Variants in UBAP2 observed in about 807,000 individuals in gnomAD.
UBAP2 encodes the protein ubiquitin-associated protein 2.
A neutral mutation model predicts 139.6 loss-of-function variants in UBAP2; 75 were observed. The ratio of observed to expected loss-of-function variants is 0.54; its 90% CI spans 0.45 to 0.65. The LOEUF is 0.65. Ranked by LOEUF, UBAP2 falls within the 30% of genes least tolerant of loss-of-function variation. The pLI is 0.00. For missense variants in UBAP2, 1,368 were observed against 1,369.6 expected, an observed-to-expected ratio of 1.00 and a Z score of 0.02; for synonymous variants, 526 against 526.2, an observed-to-expected ratio of 1.00 and a Z score of 0.01.
chr9:33,973,151 A>G, intron 7 of UBAP2, 32 bp downstream of exon 7: 1 of 1,606,658 alleles, frequency 6.2e-7, no homozygotes, highest in Non-Finnish European at 8.5e-7. Flanking sequence ...AGGGAAGTAA[A>G]TAATTATAAA....
intron 2 of UBAP2, among the ~76,000 whole-genome samples, chr9:34,007,225 G>C (rs1175675698): frequency 2.0e-5 from 3 of 152,078 alleles, no homozygotes; most frequent in African/African-American, 7.2e-5. Context: ...CAGGTGCAGT[G>C]ACTCACGCCT....
intron 6 of UBAP2, among the ~76,000 whole-genome samples, chr9:33,975,138 A>G (rs1388708840): frequency 1.3e-5 from 2 of 151,982 alleles, no homozygotes; most frequent in African/African-American, 4.8e-5. Flanking sequence ...ACAGAAAATA[A>G]CAAGTGTTGG....
chr9:34,006,285 T>C (rs1178575804), intron 2 of UBAP2, among the ~76,000 whole-genome samples: 1 of 146,914 alleles, frequency 6.8e-6, no homozygotes, highest in Non-Finnish European at 1.5e-5. Flanking sequence ...AGAACAAACA[T>C]CCACTGGACA....
At chr9:34,027,222 TG>T (rs1825474458) in intron 1 of UBAP2, among the ~76,000 whole-genome samples, 1 of 152,098 alleles carries the variant, frequency 6.6e-6, no homozygotes, top group Admixed American at 6.6e-5. Context: ...GGCTCACACC[TG>T]TAATCCCGGC....
At chr9:34,038,676 C>T (rs997581202) in intron 1 of UBAP2, among the ~76,000 whole-genome samples, 1 of 152,156 alleles carries the variant, frequency 6.6e-6, no homozygotes, top group African/African-American at 2.4e-5. Flanking sequence ...CCCAAAGTGC[C>T]GAGATTGTAG....
At chr9:34,041,556 G>A (rs1172362951) in intron 1 of UBAP2, among the ~76,000 whole-genome samples, 1 of 151,390 alleles carries the variant, frequency 6.6e-6, no homozygotes, top group Admixed American at 6.6e-5. Flanking sequence ...AATTAGCTGA[G>A]CATGGTGGCA....
At chr9:33,933,396 A>G in intron 18 of UBAP2, 94 bp downstream of exon 18, 1 of 1,398,404 alleles carries the variant, frequency 7.2e-7, no homozygotes, top group South Asian at 1.3e-5. Context: ...GTCAGAGACA[A>G]CAAGTGTGCT....
intron 2 of UBAP2, among the ~76,000 whole-genome samples, chr9:34,002,049 C>T (rs1822753362): frequency 6.6e-6 from 1 of 151,984 alleles, no homozygotes; most frequent in Non-Finnish European, 1.5e-5. Flanking sequence ...CTCGACCTCC[C>T]AGGCTCAAGC....
chr9:34,038,274 C>T (rs1025249332), intron 1 of UBAP2, among the ~76,000 whole-genome samples: 13 of 152,022 alleles, frequency 8.6e-5, no homozygotes, highest in African/African-American at 3.1e-4. Flanking sequence ...CACAGTGAAA[C>T]TCTGTCTCTA....
intron 9 of UBAP2, among the ~76,000 whole-genome samples, chr9:33,962,413 C>T (rs1387948182): frequency 1.3e-5 from 2 of 151,322 alleles, no homozygotes; most frequent in Admixed American, 6.6e-5. Flanking sequence ...TTTGGGAGGC[C>T]GAGGTGGGTG....
At chr9:34,048,185 CAGAG>C (rs1334762673) in intron 1 of UBAP2, among the ~76,000 whole-genome samples, 1 of 152,320 alleles carries the variant, frequency 6.6e-6, no homozygotes, top group South Asian at 2.1e-4. Context: ...GTATTATTAA[CAGAG>C]AGAGCTTTGC....
intron 22 of UBAP2, among the ~76,000 whole-genome samples, chr9:33,926,071 C>T (rs1823402117): frequency 6.6e-6 from 1 of 152,160 alleles, no homozygotes; most frequent in South Asian, 2.1e-4. Flanking sequence ...AGGCTGCAAC[C>T]ACCAGGGACG....
At chr9:33,986,718 C>G in intron 6 of UBAP2, 42 bp downstream of exon 6, 1 of 1,544,006 alleles carries the variant, frequency 6.5e-7, no homozygotes, top group African/African-American at 1.4e-5. Flanking sequence ...CTGCTTCTTC[C>G]CCCTAATTGA....
Position 33,951,382 on chromosome 9 carries a change from C to T in UBAP2, c.1056+1903G>A, listed in dbSNP as rs563346690. Among the ~76,000 whole-genome samples the T allele has an allele frequency of 8.5e-4, 105 of 123,872 alleles. 1 individual carries two copies. The South Asian group carries it at 0.025, about 30-fold the overall frequency. 81.3% of individuals were successfully genotyped at this position (123,872 alleles called of 152,430 possible). ...TTTTTTTTTGAGATAGAGTTTCTCT[C>T]GTCGCCCAGGCTGGAGTGCAATGGC... On this transcript the variant is annotated intron_variant, in intron 12 of 28. Coordinates refer to ENST00000379238, the MANE Select transcript of UBAP2 (RefSeq NM_001370062.2).
Position 33,953,509 on chromosome 9 carries a change from A to G in UBAP2, c.867-35T>C, listed in dbSNP as rs1826280177. 5.1e-6 allele frequency: 8 copies of G among 1,579,846 alleles called. No homozygotes were observed. In the South Asian group the frequency reaches 6.8e-5, roughly 13 times the overall value. ...CAAAAAGCAATGAGGAACCAGTCAT[A>G]AGCAAATCTTACCAACAAATGAATG... On this transcript the variant is annotated intron_variant, in intron 11 of 28. Transcript: ENST00000379238.
chr9:33,997,540 A>G (rs1028370232), intron 3 of UBAP2: 4 of 152,196 alleles, frequency 2.6e-5, no homozygotes, highest in Non-Finnish European at 5.9e-5. Context: ...TCAAGCAGCA[A>G]AAGTTCTGCA....
intron 1 of UBAP2, among the ~76,000 whole-genome samples, chr9:34,017,528 T>C (rs779010270): frequency 2.0e-5 from 3 of 152,192 alleles, no homozygotes; most frequent in African/African-American, 4.8e-5. Context: ...CAAAACAACA[T>C]TGCACCCAGC....
chr9:34,001,484 C>G (rs1822698771), intron 2 of UBAP2, among the ~76,000 whole-genome samples: 1 of 152,188 alleles, frequency 6.6e-6, no homozygotes, highest in Non-Finnish European at 1.5e-5. Flanking sequence ...GAGTTCATCT[C>G]AACAGCTAGT....
chr9:33,933,103 G>T (rs1211348668), intron 18 of UBAP2, among the ~76,000 whole-genome samples: 1 of 152,190 alleles, frequency 6.6e-6, no homozygotes, highest in Non-Finnish European at 1.5e-5. Context: ...CGTTTCTTCA[G>T]CCATGGAAAG....
Sources: allele counts gnomAD v4.1 joint callset (sites outside exome capture counted in the v4.1 genomes callset), GRCh38; gene constraint gnomAD v4.1.1; transcripts MANE v1.5; gene names NCBI Gene and HGNC (gene_info 2026-07-23, HGNC 2026-07-21).